Variants in FAM83G observed in about 807,000 individuals in gnomAD.
FAM83G encodes the protein scaffolding CK1 anchoring protein G.
Under a neutral mutation model 61.5 loss-of-function variants are expected in FAM83G, and 38 were observed. The ratio of observed to expected loss-of-function variants is 0.62; its 90% confidence interval spans 0.48 to 0.81. The LOEUF (loss-of-function observed/expected upper bound fraction) is 0.81. Ranked by LOEUF, FAM83G falls within the 30% of genes least tolerant of loss-of-function variation. FAM83G has a pLI of 0.00. For synonymous variants in FAM83G, 470 were observed against 476.1 expected, an observed-to-expected ratio of 0.99 and a Z score of 0.17; for missense variants, 989 against 1,133.6, an observed-to-expected ratio of 0.87 and a Z score of 1.83.
At chr17:18,982,187 C>CT (rs2043155625) in intron 3 of FAM83G, among the ~76,000 whole-genome samples, 1 of 152,234 alleles carries the variant, frequency 6.6e-6, no homozygotes, top group African/African-American at 2.4e-5. Context: ...GTCCCGGGCC[C>CT]TTGCTGGGCC....
chr17:18,981,836 A>T (rs905985192), intron 3 of FAM83G, among the ~76,000 whole-genome samples: 2 of 152,098 alleles, frequency 1.3e-5, no homozygotes, highest in African/African-American at 4.8e-5. Context: ...ACGGCCCAGG[A>T]CAATTAGCGC....
chr17:18,976,742 C>A, intron 5 of FAM83G: 1 of 1,405,228 alleles, frequency 7.1e-7, no homozygotes, highest in Non-Finnish European at 9.6e-7. Context: ...AGGTCAGAGG[C>A]TAATGGGACA....
Position 19,003,298 on chromosome 17 carries a change from C to T in FAM83G, c.522+222G>A, listed in dbSNP as rs577223113. 3.3e-5 allele frequency among the ~76,000 whole-genome samples: 5 copies of T among 151,896 alleles called. No individual in the cohort carries two copies. The highest frequency in any genetic ancestry group is 7.4e-5 in the Non-Finnish European group (5 of 67,940). On this transcript the variant is annotated intron_variant, in intron 2 of 5. Transcript: ENST00000388995. This position sits in a 1 kb window ranked among gnomAD's most constrained non-coding sequence, Gnocchi z 4.5. ...AAGAGGCCCTTTGAGACGGGGCAGC[C>T]CACTGTCACCTGCTAGGACCTGGGA...
chr17:18,999,855 G>C (rs1382790602), intron 2 of FAM83G, among the ~76,000 whole-genome samples: 4 of 152,256 alleles, frequency 2.6e-5, no homozygotes, highest in African/African-American at 4.8e-5. Flanking sequence ...CCTCAACTGT[G>C]AAATAAGGAA....
rs1555571776 is a variant in FAM83G, at chr17:18,969,035, G to A, written c.*2324C>T. On this transcript the variant is annotated 3_prime_UTR_variant, in exon 6 of 6. Transcript: ENST00000388995. ...CCTGGGAATAACAGTCCCACACAAG[G>A]CTCTCTCCCTCCGCAGCTGGACCTG... 24 of 1,607,002 alleles carry A rather than the reference G, an allele frequency of 1.5e-5. No homozygotes were observed. Among genetic ancestry groups the A allele is most frequent in the Non-Finnish European group, 2.0e-5 (24 of 1,176,746 alleles).
chr17:18,985,952 CTT>C (rs1246573269), intron 3 of FAM83G, among the ~76,000 whole-genome samples: 3 of 152,234 alleles, frequency 2.0e-5, no homozygotes, highest in Non-Finnish European at 2.9e-5. Flanking sequence ...AGCTGTATAA[CTT>C]TCCTCAGCAC....
intron 2 of FAM83G, among the ~76,000 whole-genome samples, chr17:18,998,775 C>T (rs1447138037): frequency 6.6e-6 from 1 of 152,218 alleles, no homozygotes; most frequent in Non-Finnish European, 1.5e-5. Context: ...GTGGTGGGAG[C>T]CTGGGCCAGC....
intron 2 of FAM83G, among the ~76,000 whole-genome samples, chr17:19,002,649 G>A (rs543582561): frequency 1.3e-5 from 2 of 152,368 alleles, no homozygotes; most frequent in African/African-American, 4.8e-5. Context: ...GCTTGGAAAC[G>A]ATGAGAAGGT....
In FAM83G at chr17:19,000,130, A is replaced by C. The variant is rs984259773; in HGVS notation, c.522+3390T>G. ...CTCTGGTATGTAGTTGGAACCCCAC[A>C]GCAGGTTTTTTCCCAGATAAATCAT... On this transcript the variant is annotated intron_variant, in intron 2 of 5. Transcript: ENST00000388995. This position sits in a 1 kb window ranked among gnomAD's most constrained non-coding sequence, Gnocchi z 5.2. Among the ~76,000 whole-genome samples the C allele has an allele frequency of 6.6e-6, 1 of 152,212 alleles. No individual in the cohort carries two copies. The highest frequency in any genetic ancestry group is 1.5e-5 in the Non-Finnish European group (1 of 68,024).
Position 19,003,474 on chromosome 17 carries a change from G to C in FAM83G, c.522+46C>G, listed in dbSNP as rs776509968. 1.5e-5 allele frequency: 22 copies of C among 1,498,554 alleles called. 1 individual carries two copies. In the East Asian group the frequency reaches 5.0e-4, roughly 34 times the overall value. The allele number at this position is 1,498,554 out of a possible 1,614,324, so 92.8% of individuals were successfully genotyped here. On this transcript the variant is annotated intron_variant, in intron 2 of 5. Transcript: ENST00000388995. The surrounding 1 kb of genome is among the most constrained non-coding windows in gnomAD (Gnocchi z 4.5). ...AGTGAGCCTGTATTGAGAGGGGTCC[G>C]GTGGCTGGTTGGGCCATGGCTCCAG...
intron 5 of FAM83G, chr17:18,976,773 T>C: frequency 6.4e-7 from 1 of 1,555,466 alleles, no homozygotes; most frequent in Non-Finnish European, 8.7e-7. Flanking sequence ...TCATGCCCAT[T>C]CCCTGAGGCC....
chr17:18,975,012 C>T (rs570890555), intron 5 of FAM83G, among the ~76,000 whole-genome samples: 2 of 152,348 alleles, frequency 1.3e-5, no homozygotes, highest in East Asian at 3.9e-4. Flanking sequence ...TGAGCCTCAG[C>T]TTCTCTACTT....
chr17:18,995,415 G>C (rs565294147), intron 2 of FAM83G, among the ~76,000 whole-genome samples: 129 of 152,292 alleles, frequency 8.5e-4, no homozygotes, highest in African/African-American at 3.1e-3. Flanking sequence ...AGACATGTAA[G>C]TAGAAACTGT....
Position 18,977,849 on chromosome 17 carries a change from G to C in FAM83G, c.1817C>G (p.Pro606Arg), listed in dbSNP as rs747816872. 7 of 1,610,988 alleles carry C rather than the reference G, an allele frequency of 4.3e-6. No individual in the cohort carries two copies. The highest frequency in any genetic ancestry group is 5.9e-6 in the Non-Finnish European group (7 of 1,179,512). Residue 606 changes from proline (P) to arginine (R), a missense_variant, in exon 5 of 6, where the codon CCC becomes CGC. This residue lies in a region of FAM83G where 574 missense variants were observed against 645.1 expected (regional missense o/e 0.89). Coordinates refer to ENST00000388995, the MANE Select transcript of FAM83G (RefSeq NM_001039999.3). ...HSGSSGRGPG[P>R]RRPSVASSVS... ...AGAGGAAGCCACTGAGGGCCGTCGG[G>C]GGCCAGGGCCACGGCCGGAGCTGCC...
chr17:19,003,885 C>T lies in FAM83G; in HGVS notation c.157G>A (p.Glu53Lys), dbSNP rs775941601. Residue 53 changes from glutamate (E) to lysine (K), a missense_variant, in exon 2 of 6, where the codon GAG becomes AAG. By Grantham distance (56) the Glu-to-Lys change is moderately conservative. Coordinates refer to ENST00000388995, the MANE Select transcript of FAM83G (RefSeq NM_001039999.3). This position sits in a 1 kb window ranked among gnomAD's most constrained non-coding sequence, Gnocchi z 4.5. ...TCCGAGAGGAAGTCTCGGATGTTCT[C>T]CCGCTTGAGCACCTCGTAGAAGGCG... ...RDAFYEVLKR[E>K]NIRDFLSELE... The T allele has an allele frequency of 1.2e-6, 2 of 1,612,940 alleles. No individual in the cohort carries two copies. The highest frequency in any genetic ancestry group is 1.7e-6 in the Non-Finnish European group (2 of 1,179,954).
intron 2 of FAM83G, among the ~76,000 whole-genome samples, chr17:18,989,010 G>A (rs532980845): frequency 3.3e-5 from 5 of 152,312 alleles, no homozygotes; most frequent in South Asian, 2.1e-4. Context: ...GTATGGGCCC[G>A]GCCCCAGTGG....
At chr17:18,994,802 C>G (rs1280087653) in intron 2 of FAM83G, among the ~76,000 whole-genome samples, 2 of 152,232 alleles carry the variant, frequency 1.3e-5, no homozygotes, top group African/African-American at 4.8e-5. Flanking sequence ...CATATGTTCT[C>G]TGTCACAACT....
intron 3 of FAM83G, among the ~76,000 whole-genome samples, chr17:18,980,724 T>A (rs2043109860): frequency 1.3e-5 from 2 of 152,060 alleles, no homozygotes; most frequent in African/African-American, 2.4e-5. Flanking sequence ...GCCAAGGGCA[T>A]CCCGAAGTAG....
At position 18,996,288 on chromosome 17, in the gene FAM83G, C is replaced by T. The variant is rs1398553712; in HGVS notation, c.522+7232G>A. 6.6e-6 allele frequency among the ~76,000 whole-genome samples: 1 copy of T among 152,192 alleles called. No homozygotes were observed. Among genetic ancestry groups the T allele is most frequent in the Non-Finnish European group, 1.5e-5 (1 of 68,028 alleles). The stretch of plus-strand genomic sequence containing the variant: ...CTCCTCCAGCTGCAACCCCCTCCTC[C>T]AGCAGCACGGTTGGGACAGACGTGG... On this transcript the variant is annotated intron_variant, in intron 2 of 5. Transcript: ENST00000388995. This position sits in a 1 kb window ranked among gnomAD's most constrained non-coding sequence, Gnocchi z 4.4.
Sources: gnomAD v4.1 joint callset for allele counts (sites outside exome capture counted in the v4.1 genomes callset) on GRCh38, gnomAD v4.1.1 for gene constraint, gnomAD v4.1.1 regional missense constraint, Gnocchi (gnomAD v3.1) non-coding constraint, MANE v1.5 for transcripts, NCBI Gene and HGNC (gene_info 2026-07-23, HGNC 2026-07-21) for gene names.